Variants in PHACTR3 observed in about 807,000 individuals in gnomAD.
PHACTR3 encodes protein phosphatase 1, regulatory subunit 123.
PHACTR3 carries 16 observed loss-of-function variants against 66.8 expected under a neutral mutation model. The observed-to-expected ratio is 0.24, with a 90% CI of 0.16 to 0.36. PHACTR3 has a LOEUF of 0.36. PHACTR3 is among the 10% of genes least tolerant of loss of function. The pLI, the probability that PHACTR3 is intolerant of heterozygous loss-of-function variation, is 1.00. For synonymous variants in PHACTR3, 323 were observed against 292.1 expected, an observed-to-expected ratio of 1.11 and a Z score of -1.08; for missense variants, 647 against 719.9, an observed-to-expected ratio of 0.90 and a Z score of 1.16.
intron 4 of PHACTR3, 31 bp from the exon 5 acceptor site, chr20:59,767,155 T>A (rs2040205665): frequency 6.2e-7 from 1 of 1,612,204 alleles, no homozygotes. Context: ...AGGAAACATG[T>A]TTTTAACTCT....
At chr20:59,625,341 A>G (rs1476016658) in intron 1 of PHACTR3, among the ~76,000 whole-genome samples, 1 of 151,922 alleles carries the variant, frequency 6.6e-6, no homozygotes, top group Non-Finnish European at 1.5e-5. Context: ...CTCTGTGGGC[A>G]CGGGGTTTGC....
At chr20:59,647,193 G>A (rs558951702) in intron 1 of PHACTR3, among the ~76,000 whole-genome samples, 1 of 152,196 alleles carries the variant, frequency 6.6e-6, no homozygotes, top group South Asian at 2.1e-4. Context: ...AGAAGCAAAG[G>A]CATGTCTTAC....
intron 8 of PHACTR3, among the ~76,000 whole-genome samples, chr20:59,815,215 A>G (rs1249107035): frequency 7.2e-5 from 11 of 152,184 alleles, no homozygotes; most frequent in Admixed American, 6.5e-4. Context: ...CCTGATATTC[A>G]AAAGCACATT....
At chr20:59,786,121 T>C (rs1435003714) in intron 7 of PHACTR3, among the ~76,000 whole-genome samples, 1 of 152,226 alleles carries the variant, frequency 6.6e-6, no homozygotes, top group African/African-American at 2.4e-5. Context: ...AGCCCCTCTG[T>C]GGCAGGAGGC....
chr20:59,604,438 A>T, upstream of PHACTR3: 1 of 219,396 alleles, frequency 4.6e-6, no homozygotes. Flanking sequence ...CCCAGTGGCC[A>T]CGCGCCTTCT....
At chr20:59,629,911 G>C (rs955634815) in intron 1 of PHACTR3, among the ~76,000 whole-genome samples, 18 of 152,306 alleles carry the variant, frequency 1.2e-4, no homozygotes, top group Admixed American at 1.1e-3. Context: ...ACACCCGTGG[G>C]TGTGGCTGTA....
chr20:59,705,612 A>G (rs1465960745), intron 1 of PHACTR3, among the ~76,000 whole-genome samples: 1 of 148,208 alleles, frequency 6.7e-6, no homozygotes, highest in Non-Finnish European at 1.5e-5. Context: ...AGATTGGTTC[A>G]TCAGCTGCTC....
intron 7 of PHACTR3, among the ~76,000 whole-genome samples, chr20:59,797,619 T>C (rs987523347): frequency 1.3e-5 from 2 of 152,218 alleles, no homozygotes; most frequent in African/African-American, 4.8e-5. Flanking sequence ...GCAATGCCTG[T>C]GAGTACCTCT....
intron 1 of PHACTR3, among the ~76,000 whole-genome samples, chr20:59,713,475 T>G (rs1032660359): frequency 6.6e-6 from 1 of 152,206 alleles, no homozygotes; most frequent in Non-Finnish European, 1.5e-5. Context: ...TTGATTAGTT[T>G]TACTTGTTTT....
intron 7 of PHACTR3, among the ~76,000 whole-genome samples, chr20:59,801,961 G>A (rs2041426393): frequency 6.6e-6 from 1 of 152,226 alleles, no homozygotes; most frequent in South Asian, 2.1e-4. Flanking sequence ...TATGGAATAG[G>A]TCCATTATGG....
intron 1 of PHACTR3, 23 bp downstream of exon 1, chr20:59,605,155 CG>C: frequency 4.3e-6 from 1 of 234,714 alleles, no homozygotes. Flanking sequence ...GCGGGGGCGG[CG>C]GGCGGGTCGG....
chr20:59,599,863 G>C (rs947384527), upstream of PHACTR3, among the ~76,000 whole-genome samples: 1 of 152,094 alleles, frequency 6.6e-6, no homozygotes, highest in Non-Finnish European at 1.5e-5. Context: ...CACTCACCAG[G>C]ATGATTTCCA....
chr20:59,617,652 ACATT>A (rs1221848075), intron 1 of PHACTR3, among the ~76,000 whole-genome samples: 1 of 152,108 alleles, frequency 6.6e-6, no homozygotes, highest in East Asian at 1.9e-4. Flanking sequence ...GGCTCAGCTA[ACATT>A]TCGTGGGGCT....
In PHACTR3 at chr20:59,723,084, T is replaced by A. The variant is rs551933914; in HGVS notation, c.119-20023T>A. On this transcript the variant is annotated intron_variant, in intron 1 of 12. Coordinates refer to ENST00000371015, the MANE Select transcript of PHACTR3 (RefSeq NM_080672.5). ...TCTCTTTCTTTCTTTCTTTCTTTCT[T>A]TCTTTCTTTCTTTCTTTCTTTCTTT... is the stretch of plus-strand genomic sequence containing the variant. 3.6e-4 allele frequency among the ~76,000 whole-genome samples: 53 copies of A among 148,960 alleles called. No homozygotes were observed. In the South Asian group the frequency reaches 9.6e-3, roughly 27 times the overall value.
At chr20:59,719,273 C>G (rs1267916382) in intron 1 of PHACTR3, among the ~76,000 whole-genome samples, 2 of 152,108 alleles carry the variant, frequency 1.3e-5, no homozygotes, top group Non-Finnish European at 2.9e-5. Context: ...TCAAGCAATT[C>G]TCTGCCTCAG....
chr20:59,756,355 C>T (rs1249590689), intron 4 of PHACTR3, among the ~76,000 whole-genome samples: 1 of 152,168 alleles, frequency 6.6e-6, no homozygotes, highest in African/African-American at 2.4e-5. Flanking sequence ...ATCCAGGCCC[C>T]AGGACAGCCT....
At chr20:59,581,698 G>A (rs1363131783) in intron 1 of PHACTR3, among the ~76,000 whole-genome samples, 2 of 150,718 alleles carry the variant, frequency 1.3e-5, no homozygotes, top group Admixed American at 6.6e-5. Flanking sequence ...TGGCTAACAC[G>A]GTGAAATCCC....
chr20:59,791,743 C>G (rs1286930474), intron 7 of PHACTR3, among the ~76,000 whole-genome samples: 2 of 122,264 alleles, frequency 1.6e-5, no homozygotes, highest in Non-Finnish European at 3.4e-5. Flanking sequence ...CCCCACCCCC[C>G]ACCCCACAAC....
chr20:59,760,122 A>G (rs1235093000), intron 4 of PHACTR3, among the ~76,000 whole-genome samples: 1 of 152,178 alleles, frequency 6.6e-6, no homozygotes, highest in African/African-American at 2.4e-5. Flanking sequence ...CACTCCTGGC[A>G]TCCAGGTGGC....
Sources: allele counts gnomAD v4.1 joint callset (sites outside exome capture counted in the v4.1 genomes callset), GRCh38; gene constraint gnomAD v4.1.1; transcripts MANE v1.5; gene names NCBI Gene and HGNC (gene_info 2026-07-23, HGNC 2026-07-21).